Variants in DAAM2 observed in about 807,000 individuals in gnomAD.
DAAM2 encodes dishevelled associated activator of morphogenesis 2.
In DAAM2, 39 loss-of-function variants were observed where a neutral mutation model predicts 120.7. That is an observed-to-expected ratio of 0.32 (90% CI 0.25 to 0.42). The LOEUF (loss-of-function observed/expected upper bound fraction) is 0.42. Ranked by LOEUF, DAAM2 falls within the 10% of genes least tolerant of loss-of-function variation. DAAM2 has a pLI of 1.00. For missense variants in DAAM2, 1,283 were observed against 1,401.7 expected (o/e 0.92, Z 1.35); for synonymous variants, 488 against 524.9 (o/e 0.93, Z 0.96).
intron 21 of DAAM2, among the ~76,000 whole-genome samples, chr6:39,898,240 A>G (rs2149375682): frequency 6.6e-6 from 1 of 152,370 alleles, no homozygotes; most frequent in African/African-American, 2.4e-5. Context: ...TGGGGCAATC[A>G]GAGAGCATCT....
intron 1 of DAAM2, chr6:39,820,621 TA>T (rs1295613420): frequency 6.6e-6 from 1 of 152,188 alleles, no homozygotes; most frequent in East Asian, 1.9e-4. Flanking sequence ...TGGAAAATAC[TA>T]AAAACTATAA....
At chr6:39,842,549 C>T (rs193101740) in intron 1 of DAAM2, among the ~76,000 whole-genome samples, 1 of 152,152 alleles carries the variant, frequency 6.6e-6, no homozygotes, top group Non-Finnish European at 1.5e-5. Context: ...AGGAGAATCG[C>T]TTGAACCCGG....
Position 39,878,283 on chromosome 6 carries a change from T to C in DAAM2, c.1360+22T>C, listed in dbSNP as rs748311061. The stretch of plus-strand genomic sequence containing the variant: ...AAAGGTGAGGGGCTCTGCTTAAGCC[T>C]GCTGTCCACTCCACATGCCCTTCCC... On this transcript the variant is annotated intron_variant, in intron 12 of 24. Transcript: ENST00000274867. The surrounding 1 kb of genome is among the most constrained non-coding windows in gnomAD (Gnocchi z 5.0). 1 of 1,613,694 alleles carries C rather than the reference T, an allele frequency of 6.2e-7. No individual in the cohort carries two copies. The highest frequency in any genetic ancestry group is 8.5e-7 in the Non-Finnish European group (1 of 1,179,686).
chr6:39,833,350 G>C, intron 1 of DAAM2, among the ~76,000 whole-genome samples: 1 of 151,808 alleles, frequency 6.6e-6, no homozygotes, highest in Non-Finnish European at 1.5e-5. Flanking sequence ...TGTCGCCCAG[G>C]CTGGAATGCA....
intron 22 of DAAM2, 67 bp from the exon 23 acceptor site, chr6:39,900,007 ATGT>A (rs1766377332): frequency 6.6e-7 from 1 of 1,509,028 alleles, no homozygotes; most frequent in African/African-American, 1.4e-5. Context: ...ACGAGGGGAG[ATGT>A]GGTGACCCCT....
At chr6:39,871,654 G>T in intron 9 of DAAM2, 82 bp downstream of exon 9, 3 of 1,312,192 alleles carry the variant, frequency 2.3e-6, no homozygotes. Flanking sequence ...TAGACCCCGT[G>T]TTGTGGCAGG....
intron 1 of DAAM2, among the ~76,000 whole-genome samples, chr6:39,799,789 T>C (rs964824709): frequency 6.6e-6 from 1 of 152,246 alleles, no homozygotes; most frequent in Non-Finnish European, 1.5e-5. Flanking sequence ...TGCAAAGATA[T>C]ATAAAGACAA....
At chr6:39,835,654 C>T (rs1763074307) in intron 1 of DAAM2, among the ~76,000 whole-genome samples, 1 of 152,234 alleles carries the variant, frequency 6.6e-6, no homozygotes, top group Non-Finnish European at 1.5e-5. Flanking sequence ...CAGTGAGATT[C>T]ATCAGGGAAG....
chr6:39,831,168 T>A (rs1293650069), intron 1 of DAAM2, among the ~76,000 whole-genome samples: 3 of 152,132 alleles, frequency 2.0e-5, no homozygotes, highest in African/African-American at 7.2e-5. Context: ...GATACAGCAA[T>A]GAATGATAGA....
At chr6:39,848,936 G>A (rs1763701765) in intron 1 of DAAM2, 1 of 152,174 alleles carries the variant, frequency 6.6e-6, no homozygotes, top group Admixed American at 6.6e-5. Flanking sequence ...CCTCGAACAT[G>A]GTAGGTGCTC....
intron 3 of DAAM2, among the ~76,000 whole-genome samples, chr6:39,863,017 C>T (rs1449688126): frequency 1.3e-5 from 2 of 151,914 alleles, no homozygotes; most frequent in Non-Finnish European, 2.9e-5. Context: ...CACGCCAACC[C>T]CCTACAAGCC....
Position 39,891,731 on chromosome 6 carries a change from G to T in DAAM2, c.2341+9G>T. ...AAAGCCCAAAGTGGAAGGTAGGGCT[G>T]AGGGTTGCAGGAGGCTTAGAGTGGA... On this transcript the variant is annotated intron_variant, in intron 19 of 24. Coordinates refer to ENST00000274867, the MANE Select transcript of DAAM2 (RefSeq NM_001201427.2). 6.3e-7 allele frequency: 1 copy of T among 1,591,868 alleles called. No homozygotes were observed. Among genetic ancestry groups the T allele is most frequent in the Non-Finnish European group, 8.6e-7 (1 of 1,168,802 alleles).
At chr6:39,806,840 C>CAAAAAAAA (rs200270782) in intron 1 of DAAM2, among the ~76,000 whole-genome samples, 3 of 25,196 alleles carry the variant, frequency 1.2e-4, no homozygotes, top group Non-Finnish European at 4.7e-4. Context: ...ATCAGATTGG[C>CAAAAAAAA]AAAAAAAAAA....
intron 5 of DAAM2, chr6:39,867,262 C>A: frequency 2.0e-6 from 1 of 509,634 alleles, no homozygotes. Context: ...GAGGACTTCA[C>A]ATTCATACCA....
chr6:39,834,226 T>G (rs1442400236), intron 1 of DAAM2, among the ~76,000 whole-genome samples: 1 of 152,236 alleles, frequency 6.6e-6, no homozygotes, highest in Non-Finnish European at 1.5e-5. Flanking sequence ...ACCTCTTATA[T>G]TGTCATAGGA....
chr6:39,886,000 G>A (rs1442557727), intron 15 of DAAM2: 1 of 165,298 alleles, frequency 6.0e-6, no homozygotes, highest in East Asian at 1.7e-4. Flanking sequence ...TCCAGATCGA[G>A]TTCATTTGTG....
intron 10 of DAAM2, among the ~76,000 whole-genome samples, chr6:39,873,569 G>A (rs2149319842): frequency 6.6e-6 from 1 of 152,310 alleles, no homozygotes; most frequent in East Asian, 1.9e-4. Flanking sequence ...AGGAGCTGGG[G>A]ACTTGGCCCT....
intron 1 of DAAM2, among the ~76,000 whole-genome samples, chr6:39,829,234 G>A (rs1013457550): frequency 6.6e-6 from 1 of 152,254 alleles, no homozygotes; most frequent in Non-Finnish European, 1.5e-5. Context: ...TCCACACAGG[G>A]TGTGTGGATG....
At chr6:39,829,902 T>A (rs1762813195) in intron 1 of DAAM2, among the ~76,000 whole-genome samples, 1 of 152,132 alleles carries the variant, frequency 6.6e-6, no homozygotes, top group African/African-American at 2.4e-5. Context: ...CTCCCCCAAG[T>A]TGTTGCTGGC....
Sources: gnomAD v4.1 joint callset for allele counts (sites outside exome capture counted in the v4.1 genomes callset) on GRCh38, gnomAD v4.1.1 for gene constraint, Gnocchi (gnomAD v3.1) non-coding constraint, MANE v1.5 for transcripts, NCBI Gene and HGNC (gene_info 2026-07-23, HGNC 2026-07-21) for gene names.